Variants in TACC2 observed in about 807,000 individuals in gnomAD.
TACC2 encodes the protein transforming acidic coiled-coil containing protein 2.
In TACC2, 137 loss-of-function variants were observed where a neutral mutation model predicts 227.3. The observed-to-expected ratio is 0.60, with a 90% confidence interval of 0.52 to 0.69. TACC2 has a LOEUF of 0.69. Ranked by LOEUF, TACC2 falls within the 30% of genes least tolerant of loss-of-function variation. The probability of loss-of-function intolerance (pLI) is 0.00; values close to 1 mark genes in which losing one functional copy is unlikely to be tolerated. For missense variants in TACC2, 3,470 were observed against 3,694.4 expected, an observed-to-expected ratio of 0.94 and a Z score of 1.57; for synonymous variants, 1,523 against 1,487.5, an observed-to-expected ratio of 1.02 and a Z score of -0.55.
At chr10:122,071,141 T>C (rs2078011538) in intron 3 of TACC2, among the ~76,000 whole-genome samples, 1 of 152,250 alleles carries the variant, frequency 6.6e-6, no homozygotes, top group Non-Finnish European at 1.5e-5. Flanking sequence ...TGATTTGGGC[T>C]TATTCAAGTT....
intron 16 of TACC2, among the ~76,000 whole-genome samples, chr10:122,235,053 G>C (rs1302556978): frequency 1.3e-5 from 2 of 151,972 alleles, no homozygotes; most frequent in East Asian, 1.9e-4. Flanking sequence ...CTTTAAAAGT[G>C]AATAGTTTTT....
At chr10:122,097,378 GAGA>G (rs1249513264) in intron 5 of TACC2, among the ~76,000 whole-genome samples, 1 of 152,036 alleles carries the variant, frequency 6.6e-6, no homozygotes, top group African/African-American at 2.4e-5. Flanking sequence ...GTTGGAGGAG[GAGA>G]AGGAGGAGAA....
intron 2 of TACC2, among the ~76,000 whole-genome samples, chr10:122,029,091 C>T (rs1385884406): frequency 2.7e-5 from 4 of 146,020 alleles, no homozygotes; most frequent in African/African-American, 7.7e-5. Flanking sequence ...TGAGAGGGGA[C>T]ATTTTTCCCT....
intron 7 of TACC2, among the ~76,000 whole-genome samples, chr10:122,188,577 C>T (rs116739920): frequency 0.026 from 3,949 of 152,288 alleles, 173 homozygotes; most frequent in African/African-American, 0.091. Flanking sequence ...GCATGAGCCA[C>T]GGTGCCTGAC....
chr10:122,217,437 C>CTTTTTTTT (rs35233150), intron 11 of TACC2, among the ~76,000 whole-genome samples: 94 of 93,242 alleles, frequency 1.0e-3, no homozygotes, highest in African/African-American at 1.2e-3. Flanking sequence ...TTTCTTTTTT[C>CTTTTTTTT]TTTTTTTTTT....
intron 3 of TACC2, among the ~76,000 whole-genome samples, chr10:122,056,277 C>A (rs773868303): frequency 6.6e-6 from 1 of 152,210 alleles, no homozygotes; most frequent in Non-Finnish European, 1.5e-5. Flanking sequence ...CGGGTTCTAG[C>A]GTTTCTCCTG....
chr10:122,132,839 G>A, intron 6 of TACC2, 105 bp downstream of exon 6: 2 of 1,238,558 alleles, frequency 1.6e-6, no homozygotes, highest in Non-Finnish European at 2.3e-6. Context: ...CTTTTCTCCT[G>A]CAGTTTCACC....
At chr10:122,222,357 A>G (rs944879678) in intron 11 of TACC2, among the ~76,000 whole-genome samples, 13 of 152,292 alleles carry the variant, frequency 8.5e-5, no homozygotes, top group Non-Finnish European at 1.9e-4. Context: ...GTCATTCTGT[A>G]AATTATAAAT....
intron 2 of TACC2, among the ~76,000 whole-genome samples, chr10:122,030,355 A>C (rs1958793080): frequency 6.6e-6 from 1 of 152,204 alleles, no homozygotes; most frequent in South Asian, 2.1e-4. Context: ...TGTCAAACGA[A>C]GGGTTAGTAC....
chr10:122,075,533 G>A (rs767452873), intron 3 of TACC2, among the ~76,000 whole-genome samples: 1 of 152,168 alleles, frequency 6.6e-6, no homozygotes, highest in Non-Finnish European at 1.5e-5. Context: ...CCATAAGGGG[G>A]CAAAGAATAT....
At chr10:122,241,066 GA>G (rs1430945047) in intron 18 of TACC2, among the ~76,000 whole-genome samples, 1 of 152,202 alleles carries the variant, frequency 6.6e-6, no homozygotes, top group African/African-American at 2.4e-5. Flanking sequence ...GACACCATTT[GA>G]ATTGGACCTT....
intron 7 of TACC2, among the ~76,000 whole-genome samples, chr10:122,186,319 A>T (rs1474698437): frequency 6.6e-6 from 1 of 151,916 alleles, no homozygotes; most frequent in Non-Finnish European, 1.5e-5. Flanking sequence ...ATTTTGGGAG[A>T]CCGAGGCAGG....
At chr10:122,182,501 T>C (rs2094004719) in intron 7 of TACC2, among the ~76,000 whole-genome samples, 1 of 152,156 alleles carries the variant, frequency 6.6e-6, no homozygotes, top group Non-Finnish European at 1.5e-5. Context: ...TTAAAAACAA[T>C]GACTTCTCAG....
intron 11 of TACC2, among the ~76,000 whole-genome samples, chr10:122,221,219 A>T (rs2095517785): frequency 6.6e-6 from 1 of 152,256 alleles, no homozygotes. Flanking sequence ...TGACAATTAT[A>T]AATGGTTTTC....
At chr10:122,113,788 C>T (rs1459259467) in intron 5 of TACC2, among the ~76,000 whole-genome samples, 2 of 152,244 alleles carry the variant, frequency 1.3e-5, no homozygotes, top group African/African-American at 2.4e-5. Flanking sequence ...CAGGGCCGAG[C>T]GCACTTCGGG....
intron 11 of TACC2, among the ~76,000 whole-genome samples, chr10:122,217,437 C>CTTTTTTTTTTTTTTTTTTTT (rs35233150): frequency 1.1e-5 from 1 of 93,256 alleles, no homozygotes; most frequent in East Asian, 4.5e-4. Context: ...TTTCTTTTTT[C>CTTTTTTTTTTTTTTTTTTTT]TTTTTTTTTT....
intron 5 of TACC2, among the ~76,000 whole-genome samples, chr10:122,122,704 C>T (rs534987454): frequency 1.3e-5 from 2 of 152,040 alleles, no homozygotes; most frequent in African/African-American, 2.4e-5. Flanking sequence ...CTCTTGGACG[C>T]GGGTCCCAGT....
chr10:121,993,173 A>C (rs1045797651), intron 1 of TACC2, among the ~76,000 whole-genome samples: 2 of 152,064 alleles, frequency 1.3e-5, no homozygotes, highest in African/African-American at 4.8e-5. Flanking sequence ...CAAACAAAAC[A>C]AAACTCTCTG....
At chr10:122,208,586 A>G (rs548344785) in intron 8 of TACC2, among the ~76,000 whole-genome samples, 1 of 152,366 alleles carries the variant, frequency 6.6e-6, no homozygotes, top group African/African-American at 2.4e-5. Context: ...AAATGAAAAT[A>G]CAGGGTGCCC....
Sources: gnomAD v4.1 joint callset for allele counts (sites outside exome capture counted in the v4.1 genomes callset) on GRCh38, gnomAD v4.1.1 for gene constraint, MANE v1.5 for transcripts, NCBI Gene and HGNC (gene_info 2026-07-23, HGNC 2026-07-21) for gene names.